NDST3: variants seen among roughly 807,000 people sequenced by gnomAD.
NDST3 encodes the protein bifunctional heparan sulfate N-deacetylase/N-sulfotransferase 3.
NDST3 carries 58 observed loss-of-function variants against 96.1 expected under a neutral mutation model. That is an observed-to-expected ratio of 0.60 (90% CI 0.49 to 0.75). NDST3 has a LOEUF of 0.75. Ranked by LOEUF, NDST3 falls within the 30% of genes least tolerant of loss-of-function variation. The pLI is 0.00. For missense variants in NDST3, 788 were observed against 1,034.2 expected, an observed-to-expected ratio of 0.76 and a Z score of 3.27; for synonymous variants, 333 against 359.7, an observed-to-expected ratio of 0.93 and a Z score of 0.84.
At chr4:118,248,764 T>C (rs752524003) in intron 12 of NDST3, among the ~76,000 whole-genome samples, 6 of 152,232 alleles carry the variant, frequency 3.9e-5, no homozygotes, top group African/African-American at 1.4e-4. Flanking sequence ...GCTTTCTGAA[T>C]AGATGTGGGG....
intron 6 of NDST3, 105 bp from the exon 7 acceptor site, chr4:118,224,386 C>T: frequency 1.0e-6 from 1 of 971,386 alleles, no homozygotes; most frequent in Non-Finnish European, 1.5e-6. Flanking sequence ...CAACTGAAAC[C>T]CTGTGCAGAC....
intron 2 of NDST3, among the ~76,000 whole-genome samples, chr4:118,076,860 G>A (rs1282952034): frequency 2.0e-5 from 3 of 152,202 alleles, no homozygotes; most frequent in Admixed American, 2.0e-4. Context: ...TTTGAGGTAA[G>A]AGGGCACTGG....
At chr4:118,125,949 T>C (rs1732021280) in intron 4 of NDST3, among the ~76,000 whole-genome samples, 1 of 152,020 alleles carries the variant, frequency 6.6e-6, no homozygotes, top group African/African-American at 2.4e-5. Flanking sequence ...TTCCTTTGAA[T>C]AGCAACTTTA....
In NDST3 at chr4:118,054,753, C is replaced by G; in HGVS notation, c.843C>G (p.His281Gln). 1 of 1,613,410 alleles carries G rather than the reference C, an allele frequency of 6.2e-7. No individual in the cohort carries two copies. The highest frequency in any genetic ancestry group is 8.5e-7 in the Non-Finnish European group (1 of 1,179,496). The part of the protein sequence containing the change: ...LFGNNLNFWL[H>Q]KLIFIDAISF... Reference sequence around the variant, plus strand: ...GCAACAACTTGAACTTTTGGCTGCACAAGCTCATCTTCATAGATGCCATCT... The same window carrying G: ...GCAACAACTTGAACTTTTGGCTGCAGAAGCTCATCTTCATAGATGCCATCT... The change falls in exon 2 of 14, where the codon CAC (histidine) becomes CAG (glutamine). Residue 281 changes from histidine (H) to glutamine (Q), a missense_variant. By Grantham distance (24) the His-to-Gln change is conservative. This residue lies in a region of NDST3 where 490 missense variants were observed against 708.8 expected (regional missense o/e 0.69). Transcript: ENST00000296499.
intron 2 of NDST3, among the ~76,000 whole-genome samples, chr4:118,096,895 G>T (rs116518782): frequency 1.2e-3 from 189 of 151,996 alleles, no homozygotes; most frequent in African/African-American, 4.3e-3. Flanking sequence ...TGACAGGTTC[G>T]ATACTCAAGA....
At chr4:118,145,601 A>C (rs1013582518) in intron 6 of NDST3, among the ~76,000 whole-genome samples, 1 of 152,220 alleles carries the variant, frequency 6.6e-6, no homozygotes, top group East Asian at 1.9e-4. Flanking sequence ...AGTTTATGTT[A>C]ATCTTGGACA....
intron 2 of NDST3, among the ~76,000 whole-genome samples, chr4:118,067,115 C>T (rs374920909): frequency 6.6e-6 from 1 of 150,784 alleles, no homozygotes; most frequent in South Asian, 2.1e-4. Flanking sequence ...AGAGTTGCTG[C>T]CAATGGGGTA....
intron 2 of NDST3, among the ~76,000 whole-genome samples, chr4:118,076,876 T>G (rs1727587577): frequency 6.6e-6 from 1 of 152,196 alleles, no homozygotes; most frequent in South Asian, 2.1e-4. Flanking sequence ...ACTGGTTTTT[T>G]GAGTTATCAG....
intron 8 of NDST3, among the ~76,000 whole-genome samples, chr4:118,229,527 C>T (rs1208638255): frequency 6.6e-6 from 1 of 152,114 alleles, no homozygotes; most frequent in Non-Finnish European, 1.5e-5. Context: ...AATTCAGAAA[C>T]CACAACTTAA....
At chr4:118,201,195 G>A (rs1207912440) in intron 6 of NDST3, among the ~76,000 whole-genome samples, 2 of 152,192 alleles carry the variant, frequency 1.3e-5, no homozygotes, top group African/African-American at 4.8e-5. Flanking sequence ...CTGATGGGCA[G>A]CTAGGTTGAT....
At chr4:118,064,223 G>A (rs995767858) in intron 2 of NDST3, among the ~76,000 whole-genome samples, 1 of 152,124 alleles carries the variant, frequency 6.6e-6, no homozygotes, top group Non-Finnish European at 1.5e-5. Context: ...AAGTCTGTGT[G>A]ATGTTGTAAA....
intron 2 of NDST3, among the ~76,000 whole-genome samples, chr4:118,062,583 C>T (rs1725984534): frequency 1.3e-5 from 2 of 151,976 alleles, no homozygotes; most frequent in African/African-American, 2.4e-5. Flanking sequence ...TTCAAATAGC[C>T]ATAGTGTGCT....
chr4:118,180,846 C>T (rs1013498932), intron 6 of NDST3, among the ~76,000 whole-genome samples: 1 of 152,092 alleles, frequency 6.6e-6, no homozygotes, highest in Non-Finnish European at 1.5e-5. Context: ...CCTAACCACA[C>T]AGGAAAAAGA....
intron 6 of NDST3, chr4:118,194,762 C>G (rs115997623): frequency 6.7e-6 from 3 of 447,060 alleles, no homozygotes; most frequent in Non-Finnish European, 4.1e-6. Flanking sequence ...CTCCACGCAG[C>G]GCACCCTTTC....
intron 3 of NDST3, among the ~76,000 whole-genome samples, chr4:118,113,602 C>A (rs1015357930): frequency 6.6e-6 from 1 of 152,208 alleles, no homozygotes; most frequent in Non-Finnish European, 1.5e-5. Context: ...TGCCTCCCTT[C>A]TTTGGGAAAC....
chr4:118,153,494 ATAATAAGG>A (rs1474558499), intron 6 of NDST3, among the ~76,000 whole-genome samples: 3 of 152,228 alleles, frequency 2.0e-5, no homozygotes, highest in Non-Finnish European at 4.4e-5. Flanking sequence ...AATACGCTAT[ATAATAAGG>A]TACATTCAGG....
intron 3 of NDST3, among the ~76,000 whole-genome samples, chr4:118,110,697 T>A (rs957191822): frequency 6.6e-6 from 1 of 152,190 alleles, no homozygotes; most frequent in Admixed American, 6.5e-5. Flanking sequence ...GATTTCAGCA[T>A]AGTTTTGTGA....
At chr4:118,221,300 G>C (rs1739525913) in intron 6 of NDST3, among the ~76,000 whole-genome samples, 1 of 151,980 alleles carries the variant, frequency 6.6e-6, no homozygotes, top group Non-Finnish European at 1.5e-5. Context: ...ATTTATATTT[G>C]CACCCTGAGA....
At chr4:118,096,894 C>T (rs964872940) in intron 2 of NDST3, among the ~76,000 whole-genome samples, 1 of 151,850 alleles carries the variant, frequency 6.6e-6, no homozygotes, top group African/African-American at 2.4e-5. Context: ...CTGACAGGTT[C>T]GATACTCAAG....
Sources: allele counts gnomAD v4.1 joint callset (sites outside exome capture counted in the v4.1 genomes callset), GRCh38; gene constraint gnomAD v4.1.1; regional missense constraint gnomAD v4.1.1; transcripts MANE v1.5; gene names NCBI Gene and HGNC (gene_info 2026-07-23, HGNC 2026-07-21).